Variants in PPP1R13B observed in about 807,000 individuals in gnomAD.
PPP1R13B encodes the protein apoptosis-stimulating of p53 protein 1.
A neutral mutation model predicts 119.8 loss-of-function variants in PPP1R13B; 44 were observed. The observed-to-expected ratio is 0.37, with a 90% CI of 0.29 to 0.47. The LOEUF (loss-of-function observed/expected upper bound fraction) is 0.47, where lower values mean the gene tolerates loss of function less well. Ranked by LOEUF, PPP1R13B falls within the 20% of genes least tolerant of loss-of-function variation. The pLI, the probability that PPP1R13B is intolerant of heterozygous loss-of-function variation, is 0.99. For synonymous variants in PPP1R13B, 542 were observed against 561.5 expected (o/e 0.97, Z 0.49); for missense variants, 1,227 against 1,413.5 (o/e 0.87, Z 2.12).
At position 103,784,869 on chromosome 14, in the gene PPP1R13B, T is replaced by A. The variant is rs2085420760; in HGVS notation, c.203A>T (p.Lys68Ile). Residue 68 changes from lysine (K) to isoleucine (I), a missense_variant, in exon 3 of 17, where the codon AAA (lysine) becomes ATA (isoleucine). Lys to Ile is a moderately radical substitution (Grantham distance 102). Transcript: ENST00000202556. ...CACTTCTTCCCTCCGTGGACCCCAT[T>A]TCTGAAGATGTTCGTACATCATATG... ...FDHMMYEHLQKWGPRREEVKF... is the reference protein window; with the variant it reads ...FDHMMYEHLQIWGPRREEVKF... 1 of 1,608,488 alleles carries A rather than the reference T, an allele frequency of 6.2e-7. No homozygotes were observed. Among genetic ancestry groups the A allele is most frequent in the African/African-American group, 1.3e-5 (1 of 74,844 alleles).
chr14:103,796,900 T>C (rs957364713), intron 2 of PPP1R13B, among the ~76,000 whole-genome samples: 4 of 151,922 alleles, frequency 2.6e-5, no homozygotes, highest in Non-Finnish European at 4.4e-5. Flanking sequence ...GAGGTTGCAG[T>C]GAACCAAGAG....
At chr14:103,847,713 G>A (rs556418465), upstream of PPP1R13B, 351 of 789,934 alleles carry the variant, frequency 4.4e-4, no homozygotes, top group Non-Finnish European at 5.2e-4. Flanking sequence ...TCCCGGCTCC[G>A]CCCGCTACCC....
At chr14:103,790,147 G>A (rs1325101944) in intron 2 of PPP1R13B, among the ~76,000 whole-genome samples, 1 of 151,646 alleles carries the variant, frequency 6.6e-6, no homozygotes, top group African/African-American at 2.4e-5. Flanking sequence ...TTGGGAGGCT[G>A]AGGCAGGAGA....
At chr14:103,775,568 C>T (rs1192438326) in intron 4 of PPP1R13B, among the ~76,000 whole-genome samples, 4 of 152,226 alleles carry the variant, frequency 2.6e-5, no homozygotes, top group African/African-American at 9.6e-5. Flanking sequence ...AGCCACCGCG[C>T]CCGTCCCATG....
intron 1 of PPP1R13B, among the ~76,000 whole-genome samples, chr14:103,804,933 T>G (rs1297882727): frequency 2.0e-5 from 3 of 152,100 alleles, no homozygotes; most frequent in Non-Finnish European, 4.4e-5. Context: ...GCCTCCCAGG[T>G]TCAAGTGATT....
At chr14:103,832,736 G>A (rs11160764) in intron 1 of PPP1R13B, among the ~76,000 whole-genome samples, 4 of 152,276 alleles carry the variant, frequency 2.6e-5, no homozygotes, top group East Asian at 3.9e-4. Context: ...GGAGGCCAAG[G>A]GGGGGCGGGG....
intron 16 of PPP1R13B, 69 bp downstream of exon 16, chr14:103,735,934 C>T (rs1177974006): frequency 1.3e-6 from 2 of 1,537,330 alleles, no homozygotes; most frequent in East Asian, 2.3e-5. Flanking sequence ...AGCCCCACAG[C>T]AGGATAGGAC....
At chr14:103,847,691 A>AG (rs1278543238), upstream of PPP1R13B, 107 of 903,760 alleles carry the variant, frequency 1.2e-4, 2 homozygotes, top group Non-Finnish European at 5.8e-5. Flanking sequence ...GGGCGGGGAG[A>AG]GGGGCGGGGC....
intron 1 of PPP1R13B, among the ~76,000 whole-genome samples, chr14:103,805,871 T>C (rs188851831): frequency 1.3e-5 from 2 of 152,194 alleles, no homozygotes; most frequent in East Asian, 3.9e-4. Context: ...GGACTGGGGA[T>C]GGGAATGAGG....
At chr14:103,735,812 TG>T (rs886791519) in intron 16 of PPP1R13B, among the ~76,000 whole-genome samples, 190 bp downstream of exon 16, 6 of 152,170 alleles carry the variant, frequency 3.9e-5, no homozygotes, top group African/African-American at 1.4e-4. Context: ...TAAGCATGGC[TG>T]GGGGAACCTC....
At chr14:103,787,649 CA>C (rs1402186893) in intron 2 of PPP1R13B, among the ~76,000 whole-genome samples, 64 of 135,046 alleles carry the variant, frequency 4.7e-4, no homozygotes, top group Non-Finnish European at 5.3e-4. Context: ...TTAATTGCTA[CA>C]TTTTTTTTTT....
intron 1 of PPP1R13B, among the ~76,000 whole-genome samples, chr14:103,805,534 G>A (rs528546704): frequency 6.6e-6 from 1 of 151,862 alleles, no homozygotes; most frequent in Non-Finnish European, 1.5e-5. Flanking sequence ...TCATGCCACT[G>A]CACTCCAGCT....
At chr14:103,787,542 G>A (rs2085499698) in intron 2 of PPP1R13B, among the ~76,000 whole-genome samples, 1 of 151,602 alleles carries the variant, frequency 6.6e-6, no homozygotes, top group Admixed American at 6.6e-5. Flanking sequence ...CTAGGGACTG[G>A]GCGTGGTGGC....
At chr14:103,774,106 T>C (rs977907173) in intron 4 of PPP1R13B, among the ~76,000 whole-genome samples, 2 of 152,218 alleles carry the variant, frequency 1.3e-5, no homozygotes, top group African/African-American at 2.4e-5. Context: ...AAGAATTAAT[T>C]TGAATCCTTT....
intron 1 of PPP1R13B, among the ~76,000 whole-genome samples, chr14:103,813,818 G>A (rs2086215444): frequency 6.6e-6 from 1 of 152,030 alleles, no homozygotes; most frequent in African/African-American, 2.4e-5. Context: ...GTGGGTTCAT[G>A]GTCAGAAAAG....
intron 12 of PPP1R13B, 118 bp from the exon 13 acceptor site, chr14:103,739,141 G>C: frequency 1.4e-6 from 2 of 1,404,200 alleles, no homozygotes; most frequent in Non-Finnish European, 1.9e-6. Context: ...CCGCGAAGCA[G>C]CCCTGGAGTG....
intron 1 of PPP1R13B, among the ~76,000 whole-genome samples, chr14:103,810,488 C>A (rs933191184): frequency 1.3e-5 from 2 of 150,404 alleles, no homozygotes; most frequent in Non-Finnish European, 3.0e-5. Flanking sequence ...TTGAAAATTA[C>A]TTTGGCTGGG....
intron 1 of PPP1R13B, among the ~76,000 whole-genome samples, chr14:103,799,852 C>T: frequency 6.6e-6 from 1 of 151,758 alleles, no homozygotes; most frequent in East Asian, 2.0e-4. Flanking sequence ...TCAAGACCAG[C>T]CTGGCCAACT....
At chr14:103,774,593 G>A (rs556750988) in intron 4 of PPP1R13B, among the ~76,000 whole-genome samples, 1 of 152,274 alleles carries the variant, frequency 6.6e-6, no homozygotes, top group African/African-American at 2.4e-5. Flanking sequence ...TTCAGCAGCT[G>A]CTGATGGACA....
Sources: gnomAD v4.1 joint callset for allele counts (sites outside exome capture counted in the v4.1 genomes callset) on GRCh38, gnomAD v4.1.1 for gene constraint, MANE v1.5 for transcripts, NCBI Gene and HGNC (gene_info 2026-07-23, HGNC 2026-07-21) for gene names.